CARD8: variants seen among roughly 807,000 people sequenced by gnomAD.
The protein encoded by CARD8 is caspase recruitment domain-containing protein 8.
In CARD8, 38 loss-of-function variants were observed where a neutral mutation model predicts 53.2. The observed-to-expected ratio is 0.71, with a 90% CI of 0.55 to 0.94. The LOEUF (loss-of-function observed/expected upper bound fraction) is 0.94, where lower values mean the gene tolerates loss of function less well. Among genes scored for constraint, CARD8 ranks in the 40% least tolerant of loss-of-function variants. The pLI is 0.00. For missense variants in CARD8, 561 were observed against 655.5 expected, an observed-to-expected ratio of 0.86 and a Z score of 1.57; for synonymous variants, 245 against 244.9, an observed-to-expected ratio of 1.00 and a Z score of 0.00.
intron 1 of CARD8, among the ~76,000 whole-genome samples, chr19:48,251,957 A>T (rs2147126950): frequency 6.6e-6 from 1 of 152,260 alleles, no homozygotes; most frequent in South Asian, 2.1e-4. Context: ...GTGTGCTTTT[A>T]TTGCTCAAAC....
At chr19:48,205,532 T>C (rs1332551928), downstream of CARD8, among the ~76,000 whole-genome samples, 2 of 152,154 alleles carry the variant, frequency 1.3e-5, no homozygotes, top group African/African-American at 4.8e-5. Context: ...GCCTGGCCCA[T>C]ATACAATTGT....
Position 48,211,675 on chromosome 19 carries a change from G to A in CARD8, c.*35C>T. On this transcript the variant is annotated 3_prime_UTR_variant, in exon 14 of 14. Transcript: ENST00000651546. ...TTTATCCATTTCCAATGAGAACGCT[G>A]GATTCTCTCTTCCAGACTACCTAAC... 1 of 1,592,602 alleles carries A rather than the reference G, an allele frequency of 6.3e-7. No homozygotes were observed. The highest frequency in any genetic ancestry group is 8.6e-7 in the Non-Finnish European group (1 of 1,166,176).
chr19:48,228,364 A>G (rs1320643120), intron 10 of CARD8, among the ~76,000 whole-genome samples: 3 of 152,200 alleles, frequency 2.0e-5, no homozygotes, highest in Non-Finnish European at 2.9e-5. Flanking sequence ...CTGCAAAACT[A>G]CTTCCTGGTG....
chr19:48,252,715 C>G (rs1025884242), intron 1 of CARD8, among the ~76,000 whole-genome samples: 23 of 151,542 alleles, frequency 1.5e-4, no homozygotes, highest in African/African-American at 5.6e-4. Flanking sequence ...CCAGGCTGGT[C>G]TAGAACTCCT....
chr19:48,232,998 T>C (rs940795600), intron 6 of CARD8: 5 of 356,036 alleles, frequency 1.4e-5, no homozygotes, highest in Non-Finnish European at 2.7e-5. Context: ...AATCAAAGAC[T>C]GAAGCAGTAA....
intron 12 of CARD8, among the ~76,000 whole-genome samples, chr19:48,215,591 A>G (rs561894109): frequency 6.6e-6 from 1 of 152,338 alleles, no homozygotes; most frequent in South Asian, 2.1e-4. Flanking sequence ...AGGAAGAAAC[A>G]CATTTTTCCA....
chr19:48,249,895 TG>T (rs1438054412), intron 1 of CARD8, 48 bp from the exon 2 acceptor site: 1 of 152,142 alleles, frequency 6.6e-6, no homozygotes, highest in African/African-American at 2.4e-5. Context: ...GAAAGGGAAA[TG>T]GGGCCCTCCG....
intron 10 of CARD8, among the ~76,000 whole-genome samples, chr19:48,228,427 G>C (rs2042204477): frequency 6.6e-6 from 1 of 151,666 alleles, no homozygotes; most frequent in Non-Finnish European, 1.5e-5. Flanking sequence ...GGAAGAGCGT[G>C]GTCAGTGGAA....
chr19:48,205,209 T>A (rs1190604594), downstream of CARD8, among the ~76,000 whole-genome samples: 1 of 152,160 alleles, frequency 6.6e-6, no homozygotes, highest in Non-Finnish European at 1.5e-5. Context: ...CGTTTTATTA[T>A]GGAAAGTTTC....
intron 12 of CARD8, among the ~76,000 whole-genome samples, chr19:48,218,335 T>C (rs916416598): frequency 6.7e-6 from 1 of 150,278 alleles, no homozygotes; most frequent in Non-Finnish European, 1.5e-5. Context: ...CCTGCACGCA[T>C]TAGCTATTTA....
chr19:48,203,803 AGT>A (rs2037244655), downstream of CARD8: 5 of 207,952 alleles, frequency 2.4e-5, no homozygotes, highest in South Asian at 2.8e-4. Flanking sequence ...GTGACGATCC[AGT>A]CTGCACGAAG....
At chr19:48,241,206 G>T in intron 3 of CARD8, 143 bp from the exon 4 acceptor site, 1 of 592,258 alleles carries the variant, frequency 1.7e-6, no homozygotes, top group East Asian at 2.9e-5. Context: ...CCTAGTAGTG[G>T]TAGGTACTTG....
downstream of CARD8, among the ~76,000 whole-genome samples, chr19:48,205,184 T>C (rs1452352745): frequency 1.3e-5 from 2 of 152,162 alleles, no homozygotes; most frequent in South Asian, 4.1e-4. Context: ...TGCTAAGTAC[T>C]CTTATTTTTA....
intron 12 of CARD8, 99 bp downstream of exon 12, chr19:48,218,772 T>C (rs1354664349): frequency 3.1e-6 from 4 of 1,309,132 alleles, no homozygotes; most frequent in Admixed American, 2.0e-5. Context: ...TTTTCTTCTC[T>C]GGGAAAGAAC....
chr19:48,230,312 A>C, intron 10 of CARD8, 126 bp downstream of exon 10: 1 of 1,035,376 alleles, frequency 9.7e-7, no homozygotes, highest in Admixed American at 2.6e-5. Context: ...AGGAAGGGTG[A>C]CTCCTGCTTC....
chr19:48,229,224 C>T (rs1445820113), intron 10 of CARD8, among the ~76,000 whole-genome samples: 6 of 152,080 alleles, frequency 3.9e-5, no homozygotes, highest in Non-Finnish European at 1.5e-5. Context: ...GGGCCAGAAA[C>T]AGGCTCACAG....
intron 11 of CARD8, among the ~76,000 whole-genome samples, chr19:48,221,287 C>A (rs2040579225): frequency 6.6e-6 from 1 of 152,120 alleles, no homozygotes; most frequent in Non-Finnish European, 1.5e-5. Context: ...CATATCATGT[C>A]CCAGTAAATC....
At chr19:48,234,634 CA>C in intron 5 of CARD8, 91 bp from the exon 6 acceptor site, 1 of 1,162,618 alleles carries the variant, frequency 8.6e-7, no homozygotes, top group Non-Finnish European at 1.2e-6. Flanking sequence ...TGTTAATAGC[CA>C]TAGACTCAAT....
intron 6 of CARD8, 104 bp from the exon 7 acceptor site, chr19:48,232,597 A>G (rs1197926897): frequency 2.1e-6 from 2 of 955,154 alleles, no homozygotes; most frequent in Non-Finnish European, 1.6e-6. Flanking sequence ...ACTGTCCCGT[A>G]GAGTAGCCGC....
Sources: allele counts gnomAD v4.1 joint callset (sites outside exome capture counted in the v4.1 genomes callset), GRCh38; gene constraint gnomAD v4.1.1; transcripts MANE v1.5; gene names NCBI Gene and HGNC (gene_info 2026-07-23, HGNC 2026-07-21).